The following CATSPERT variants were observed in gnomAD, a reference collection of about 807,000 sequenced individuals.
The protein encoded by CATSPERT is catsper channel auxiliary subunit tau.
chr2:201,513,917 G>A, the CATSPERT span, among the ~76,000 whole-genome samples: 1 of 152,110 alleles, frequency 6.6e-6, no homozygotes, highest in Non-Finnish European at 1.5e-5. Flanking sequence ...ATCTTCAAAT[G>A]TTAGGAAACT....
chr2:201,597,556 T>C, the CATSPERT span, among the ~76,000 whole-genome samples: 1 of 152,184 alleles, frequency 6.6e-6, no homozygotes, highest in African/African-American at 2.4e-5. Context: ...CTGCTTGGGT[T>C]TCTCTCTGCT....
At chr2:201,607,648 A>G in the CATSPERT span, among the ~76,000 whole-genome samples, 1 of 152,146 alleles carries the variant, frequency 6.6e-6, no homozygotes, top group Non-Finnish European at 1.5e-5. Flanking sequence ...GACTCTGTCC[A>G]CACACACACA....
At chr2:201,510,398 T>C in the CATSPERT span, among the ~76,000 whole-genome samples, 1 of 152,002 alleles carries the variant, frequency 6.6e-6, no homozygotes, top group African/African-American at 2.4e-5. Flanking sequence ...GAGCCAAGGT[T>C]GCACCACTGC....
At chr2:201,500,457 T>C in the CATSPERT span, among the ~76,000 whole-genome samples, 1 of 152,094 alleles carries the variant, frequency 6.6e-6, no homozygotes, top group East Asian at 1.9e-4. Flanking sequence ...GAGGTTGCAG[T>C]GAGCCAAGAT....
the CATSPERT span, chr2:201,565,734 C>T: frequency 2.6e-6 from 4 of 1,546,106 alleles, no homozygotes; most frequent in South Asian, 1.3e-5. Flanking sequence ...TTTACCTTTC[C>T]CGGGGTTGTT....
At chr2:201,487,845 T>C in the CATSPERT span, 1 of 1,613,936 alleles carries the variant, frequency 6.2e-7, no homozygotes, top group Non-Finnish European at 8.5e-7. Context: ...GATTTTACTT[T>C]TTTAAGGTGT....
chr2:201,511,324 C>G, the CATSPERT span, among the ~76,000 whole-genome samples: 1 of 152,140 alleles, frequency 6.6e-6, no homozygotes, highest in African/African-American at 2.4e-5. Flanking sequence ...TACCGTTTAG[C>G]AAGTGTCTAT....
At chr2:201,517,644 G>A in the CATSPERT span, among the ~76,000 whole-genome samples, 1 of 152,220 alleles carries the variant, frequency 6.6e-6, no homozygotes, top group Non-Finnish European at 1.5e-5. Flanking sequence ...AGGGCAGAGT[G>A]GGGGCCAAGG....
chr2:201,572,502 A>T, the CATSPERT span, among the ~76,000 whole-genome samples: 2 of 152,200 alleles, frequency 1.3e-5, no homozygotes, highest in Non-Finnish European at 2.9e-5. Flanking sequence ...TTTTCCATAC[A>T]ATTCCTTTGT....
chr2:201,586,389 T>C, the CATSPERT span, among the ~76,000 whole-genome samples: 1 of 151,894 alleles, frequency 6.6e-6, no homozygotes, highest in Non-Finnish European at 1.5e-5. Context: ...ATGGTTCAAT[T>C]GGGATAAATA....
At chr2:201,617,806 C>T in the CATSPERT span, among the ~76,000 whole-genome samples, 2 of 152,054 alleles carry the variant, frequency 1.3e-5, no homozygotes, top group Admixed American at 6.6e-5. Flanking sequence ...TGCAATCTAT[C>T]CATCTGACAA....
At chr2:201,489,496 C>A in the CATSPERT span, among the ~76,000 whole-genome samples, 1 of 152,006 alleles carries the variant, frequency 6.6e-6, no homozygotes, top group African/African-American at 2.4e-5. Flanking sequence ...GATATTTATA[C>A]CCTGTCACTA....
the CATSPERT span, among the ~76,000 whole-genome samples, chr2:201,584,509 G>T: frequency 1.3e-5 from 2 of 151,696 alleles, no homozygotes; most frequent in South Asian, 2.1e-4. Context: ...AGCTAGCCAG[G>T]CATGGTGGCT....
the CATSPERT span, among the ~76,000 whole-genome samples, chr2:201,495,064 TG>T: frequency 6.6e-6 from 1 of 152,184 alleles, no homozygotes; most frequent in Non-Finnish European, 1.5e-5. Flanking sequence ...ACGCAATTTC[TG>T]GTGTTAGCTT....
chr2:201,557,798 G>A, the CATSPERT span: 3 of 152,114 alleles, frequency 2.0e-5, no homozygotes, highest in Non-Finnish European at 4.4e-5. Flanking sequence ...AGCCAACTAG[G>A]TCACTATTGG....
the CATSPERT span, among the ~76,000 whole-genome samples, chr2:201,569,868 A>G: frequency 7.9e-5 from 12 of 152,108 alleles, no homozygotes; most frequent in Non-Finnish European, 1.8e-4. Flanking sequence ...TAACTCCCCA[A>G]GCTACAGCAT....
the CATSPERT span, among the ~76,000 whole-genome samples, chr2:201,524,742 A>T: frequency 6.6e-6 from 1 of 152,240 alleles, no homozygotes; most frequent in Non-Finnish European, 1.5e-5. Flanking sequence ...ATGCAATGAC[A>T]CCCATAGGCT....
the CATSPERT span, among the ~76,000 whole-genome samples, chr2:201,565,485 AAAAT>A: frequency 4.2e-4 from 64 of 152,192 alleles, no homozygotes; most frequent in Non-Finnish European, 7.4e-4. Context: ...ACTGTTTCAA[AAAAT>A]AAAAATAAAG....
At chr2:201,552,035 G>A in the CATSPERT span, among the ~76,000 whole-genome samples, 1 of 151,416 alleles carries the variant, frequency 6.6e-6, no homozygotes, top group Admixed American at 6.6e-5. Flanking sequence ...CTGTTGCCCA[G>A]GCTGGAATGC....
Sources: allele counts gnomAD v4.1 joint callset (sites outside exome capture counted in the v4.1 genomes callset), GRCh38; gene constraint gnomAD v4.1.1; transcripts MANE v1.5; gene names NCBI Gene and HGNC (gene_info 2026-07-23, HGNC 2026-07-21).